NSUN6: variants seen among roughly 807,000 people sequenced by gnomAD.
NSUN6 encodes the protein NOP2/Sun RNA methyltransferase 6.
In NSUN6, 64 loss-of-function variants were observed where a neutral mutation model predicts 58.0. The observed-to-expected ratio is 1.10, with a 90% CI of 0.90 to 1.36. The LOEUF is 1.36. Among genes scored for constraint, NSUN6 ranks in the 40% most tolerant of loss-of-function variants. NSUN6 has a pLI of 0.00. For missense variants in NSUN6, 701 were observed against 550.1 expected (o/e 1.27, Z -2.74); for synonymous variants, 231 against 193.9 (o/e 1.19, Z -1.59).
intron 8 of NSUN6, among the ~76,000 whole-genome samples, chr10:18,570,100 A>G (rs1331648508): frequency 2.0e-5 from 3 of 147,200 alleles, no homozygotes; most frequent in African/African-American, 5.0e-5. Context: ...TGCCCATTCT[A>G]TTCTATTCCA....
intron 6 of NSUN6, among the ~76,000 whole-genome samples, 160 bp from the exon 7 acceptor site, chr10:18,596,487 A>G (rs1243041766): frequency 3.3e-5 from 5 of 152,194 alleles, no homozygotes; most frequent in African/African-American, 1.2e-4. Context: ...GGAAATTCAC[A>G]ATTTCCTAGA....
chr10:18,649,045 G>A (rs973198478), intron 1 of NSUN6, among the ~76,000 whole-genome samples: 2 of 152,098 alleles, frequency 1.3e-5, no homozygotes, highest in Non-Finnish European at 2.9e-5. Flanking sequence ...TAGCTAATTA[G>A]CTAACATCAT....
intron 8 of NSUN6, among the ~76,000 whole-genome samples, chr10:18,569,699 C>G (rs1589895540): frequency 6.6e-6 from 1 of 150,842 alleles, no homozygotes; most frequent in East Asian, 2.0e-4. Context: ...TTCTCCATTC[C>G]ACTCTCCATT....
intron 3 of NSUN6, among the ~76,000 whole-genome samples, chr10:18,621,643 T>C (rs2058610829): frequency 6.6e-6 from 1 of 152,088 alleles, no homozygotes. Context: ...TAAAGAAAGA[T>C]TACGTTCCAA....
chr10:18,604,579 A>G (rs895812933), intron 6 of NSUN6, among the ~76,000 whole-genome samples: 4 of 151,956 alleles, frequency 2.6e-5, no homozygotes, highest in African/African-American at 7.2e-5. Context: ...TTTTTATTAT[A>G]TTTGTACGTT....
chr10:18,620,671 T>C (rs1387936534), intron 3 of NSUN6, among the ~76,000 whole-genome samples: 1 of 152,206 alleles, frequency 6.6e-6, no homozygotes, highest in Non-Finnish European at 1.5e-5. Flanking sequence ...TGAAATAATA[T>C]CTGCTTAGAG....
intron 8 of NSUN6, among the ~76,000 whole-genome samples, chr10:18,560,256 T>A (rs993442897): frequency 6.8e-6 from 1 of 146,736 alleles, no homozygotes; most frequent in Admixed American, 6.8e-5. Flanking sequence ...ATGGAATGGA[T>A]AATGGACGGC....
chr10:18,645,518 T>C (rs959871573), intron 2 of NSUN6, among the ~76,000 whole-genome samples: 1 of 152,194 alleles, frequency 6.6e-6, no homozygotes, highest in Non-Finnish European at 1.5e-5. Flanking sequence ...TTCTTTAATA[T>C]TTTTGAGGTT....
At chr10:18,593,120 G>C (rs1416753944) in intron 7 of NSUN6, among the ~76,000 whole-genome samples, 1 of 152,128 alleles carries the variant, frequency 6.6e-6, no homozygotes, top group African/African-American at 2.4e-5. Flanking sequence ...CGTCATCACT[G>C]GTCATTAGAG....
At chr10:18,557,437 G>A (rs546181361) in intron 8 of NSUN6, among the ~76,000 whole-genome samples, 1 of 150,940 alleles carries the variant, frequency 6.6e-6, no homozygotes. Flanking sequence ...ATGGAGAATG[G>A]AATGAAATGG....
intron 8 of NSUN6, among the ~76,000 whole-genome samples, chr10:18,577,749 C>A (rs988956102): frequency 6.6e-6 from 1 of 152,246 alleles, no homozygotes; most frequent in Non-Finnish European, 1.5e-5. Context: ...CGTAACCCAA[C>A]CTTTATCGAT....
chr10:18,609,840 C>T lies in NSUN6; in HGVS notation c.657+5G>A. ...ACTAAATATTTTACTTTTATACATACTTACTTGTAAAAATAAGTAACGGGG... is the reference window on the plus strand; with the variant it reads ...ACTAAATATTTTACTTTTATACATATTTACTTGTAAAAATAAGTAACGGGG... On this transcript the variant is annotated splice_donor_5th_base_variant and intron_variant, in intron 6 of 10. Transcript: ENST00000377304. The T allele has an allele frequency of 6.9e-7, 1 of 1,445,654 alleles. No homozygotes were observed. Among genetic ancestry groups the T allele is most frequent in the Non-Finnish European group, 9.7e-7 (1 of 1,027,414 alleles). 89.6% of individuals were successfully genotyped at this position (1,445,654 alleles called of 1,614,324 possible).
chr10:18,568,329 T>TCCC (rs545987042), intron 8 of NSUN6, among the ~76,000 whole-genome samples: 168 of 151,198 alleles, frequency 1.1e-3, no homozygotes, highest in African/African-American at 3.3e-3. Flanking sequence ...TTCCATTCTA[T>TCCC]TATCCATTCT....
chr10:18,592,193 G>T (rs1323426595), intron 7 of NSUN6, among the ~76,000 whole-genome samples: 1 of 152,076 alleles, frequency 6.6e-6, no homozygotes, highest in Non-Finnish European at 1.5e-5. Flanking sequence ...AAGAAGAACT[G>T]CAAACCATTG....
intron 8 of NSUN6, among the ~76,000 whole-genome samples, chr10:18,552,921 TC>T (rs1180425894): frequency 1.4e-4 from 21 of 150,396 alleles, no homozygotes; most frequent in Non-Finnish European, 1.9e-4. Flanking sequence ...TCCACTACAC[TC>T]GACTCTCCAT....
At chr10:18,588,445 G>A (rs549889103) in intron 7 of NSUN6, among the ~76,000 whole-genome samples, 1 of 152,330 alleles carries the variant, frequency 6.6e-6, no homozygotes, top group Admixed American at 6.5e-5. Flanking sequence ...GGGACAGATT[G>A]CCTCAAGTGG....
chr10:18,627,705 G>A (rs1202991316), intron 3 of NSUN6, among the ~76,000 whole-genome samples: 1 of 152,242 alleles, frequency 6.6e-6, no homozygotes, highest in African/African-American at 2.4e-5. Flanking sequence ...TTTTCCGATT[G>A]GCTTAAAAAC....
At chr10:18,558,743 A>C (rs530994122) in intron 8 of NSUN6, among the ~76,000 whole-genome samples, 57 of 149,884 alleles carry the variant, frequency 3.8e-4, no homozygotes, top group African/African-American at 1.4e-3. Flanking sequence ...GGAGGATGGA[A>C]AGGAATGGAA....
intron 3 of NSUN6, among the ~76,000 whole-genome samples, chr10:18,626,565 C>A (rs563943162): frequency 6.6e-6 from 1 of 152,068 alleles, no homozygotes; most frequent in East Asian, 1.9e-4. Flanking sequence ...ATCAGGAATT[C>A]GAGACCAACC....
Sources: gnomAD v4.1 joint callset for allele counts (sites outside exome capture counted in the v4.1 genomes callset) on GRCh38, gnomAD v4.1.1 for gene constraint, MANE v1.5 for transcripts, NCBI Gene and HGNC (gene_info 2026-07-23, HGNC 2026-07-21) for gene names.